Variants in OLFM1 observed in about 807,000 individuals in gnomAD.
The protein encoded by OLFM1 is olfactomedin 1, also known as noelin.
OLFM1 carries 9 observed loss-of-function variants against 49.7 expected under a neutral mutation model. The ratio of observed to expected loss-of-function variants is 0.18; its 90% CI spans 0.11 to 0.32. The LOEUF (loss-of-function observed/expected upper bound fraction) is 0.32. Among genes scored for constraint, OLFM1 ranks in the 10% least tolerant of loss-of-function variants. The probability of loss-of-function intolerance (pLI) is 1.00; values close to 1 mark genes in which losing one functional copy is unlikely to be tolerated. For missense variants in OLFM1, 369 were observed against 661.8 expected, an observed-to-expected ratio of 0.56 and a Z score of 4.85; for synonymous variants, 240 against 271.8, an observed-to-expected ratio of 0.88 and a Z score of 1.15.
At chr9:135,105,527 C>G (rs1047893865) in intron 4 of OLFM1, 1 of 152,310 alleles carries the variant, frequency 6.6e-6, no homozygotes, top group Non-Finnish European at 1.5e-5. Context: ...CTGAGACCCG[C>G]GCTGAGCATG....
rs775726047 is a variant in OLFM1 at position 135,106,776 on chromosome 9, A to T, written c.704A>T (p.Asp235Val). ...TGCGGGAAGTTGACGGGCATCAGTG[A>T]CCCCGTGACTGTCAAGACCTCCGGC... ...LACGKLTGIS[D>V]PVTVKTSGSR... is the part of the protein sequence containing the mutation. Residue 235 changes from aspartate (D) to valine (V), a missense_variant, in exon 5 of 6, where the codon GAC becomes GTC. Physicochemically the swap from Asp to Val is radical, Grantham distance 152. This residue lies in a region of OLFM1 where 294 missense variants were observed against 567.5 expected (regional missense o/e 0.52). Transcript: ENST00000371793. 6.2e-7 allele frequency: 1 copy of T among 1,613,440 alleles called. No homozygotes were observed.
At position 135,087,988 on chromosome 9, in the gene OLFM1, C is replaced by A; in HGVS notation, c.-2C>A. 6.9e-7 allele frequency: 1 copy of A among 1,444,128 alleles called. No homozygotes were observed. The highest frequency in any genetic ancestry group is 2.4e-5 in the Admixed American group (1 of 41,054). 89.5% of individuals were successfully genotyped at this position (1,444,128 alleles called of 1,614,324 possible). A position where few individuals can be genotyped will look rare whatever the true frequency, so the allele number is the denominator to read the frequency against. ...CGGGCGCTGGAGGCAGCTCGAGGCG[C>A]GATGTCGGTGCCGCTGCTCAAGATC... On this transcript the variant is annotated 5_prime_UTR_variant, in exon 1 of 6. Transcript: ENST00000371793.
chr9:135,086,041 C>T (rs1830592059), upstream of OLFM1, among the ~76,000 whole-genome samples: 1 of 152,250 alleles, frequency 6.6e-6, no homozygotes, highest in African/African-American at 2.4e-5. Context: ...GAATTTGTTC[C>T]CGCAGAACAA....
Position 135,112,510 on chromosome 9 carries a change from G to T in OLFM1, c.783+5655G>T, listed in dbSNP as rs1163563844. Among the ~76,000 whole-genome samples the T allele has an allele frequency of 3.3e-5, 5 of 152,350 alleles. No homozygotes were observed. The East Asian group carries it at 7.7e-4, about 24-fold the overall frequency. ...AGCACCTGGAAAATAGGAGATGAAT[G>T]GTGGCCCTTGATGGAGCTTGGGGCC... On this transcript the variant is annotated intron_variant, in intron 5 of 5. Transcript: ENST00000371793.
Position 135,106,873 on chromosome 9 carries a change from T to C in OLFM1, c.783+18T>C. Reference sequence around the variant, plus strand: ...ATAACCGGGTGAGTGTCCCCTTATGTCATAGGGGGTCATTTGGGCAAGGGC... The same window carrying C: ...ATAACCGGGTGAGTGTCCCCTTATGCCATAGGGGGTCATTTGGGCAAGGGC... On this transcript the variant is annotated intron_variant, in intron 5 of 5. Transcript: ENST00000371793. The C allele has an allele frequency of 1.3e-6, 2 of 1,565,468 alleles. No individual in the cohort carries two copies. The highest frequency in any genetic ancestry group is 8.7e-7 in the Non-Finnish European group (1 of 1,148,410).
intron 3 of OLFM1, among the ~76,000 whole-genome samples, chr9:135,096,916 C>T (rs1474288522): frequency 1.3e-5 from 2 of 152,216 alleles, no homozygotes; most frequent in Non-Finnish European, 2.9e-5. Flanking sequence ...GACCTAAAAT[C>T]ATAGATACAG....
In OLFM1 at chr9:135,117,388, A is replaced by G. The variant is rs1042075309; in HGVS notation, c.784-2116A>G. On this transcript the variant is annotated intron_variant, in intron 5 of 5. Transcript: ENST00000371793. This position sits in a 1 kb window ranked among gnomAD's most constrained non-coding sequence, Gnocchi z 5.5. ...CTCACAGCATCCCAAATGCCAAATT[A>G]ATGACATTCCGCCCTGCAGACAGGA... 7.2e-5 allele frequency among the ~76,000 whole-genome samples: 11 copies of G among 152,196 alleles called. No individual in the cohort carries two copies. The highest frequency in any genetic ancestry group is 3.3e-4 in the Admixed American group (5 of 15,280).
rs1055810462 is a variant in OLFM1 at position 135,088,327 on chromosome 9, C to G, written c.150+188C>G. Among the ~76,000 whole-genome samples, 2 of 151,818 alleles carry G rather than the reference C, an allele frequency of 1.3e-5. No homozygotes were observed. The highest frequency in any genetic ancestry group is 2.9e-5 in the Non-Finnish European group (2 of 67,910). On this transcript the variant is annotated intron_variant, in intron 1 of 5. Coordinates refer to ENST00000371793, the MANE Select transcript of OLFM1 (RefSeq NM_001282611.2). The surrounding 1 kb of genome is among the most constrained non-coding windows in gnomAD (Gnocchi z 4.8). Reference sequence around the variant, plus strand: ...AGCGGTGGCGACCCTGCTCCCCGCTCCCCCAGCCTGGGCCACTCCATCTCC... The same window carrying G: ...AGCGGTGGCGACCCTGCTCCCCGCTGCCCCAGCCTGGGCCACTCCATCTCC...
chr9:135,103,953 T>C (rs75137877), intron 4 of OLFM1, among the ~76,000 whole-genome samples: 2,020 of 152,154 alleles, frequency 0.013, 37 homozygotes, highest in African/African-American at 0.046. Context: ...AGACAGAGAG[T>C]GAAGCCTTCG....
intron 5 of OLFM1, among the ~76,000 whole-genome samples, chr9:135,112,074 G>A (rs2119137377): frequency 1.3e-5 from 2 of 152,240 alleles, no homozygotes; most frequent in South Asian, 4.1e-4. Flanking sequence ...ACCTGCACAG[G>A]GGGCTCTCAG....
chr9:135,109,150 GC>G (rs966049744), intron 5 of OLFM1, among the ~76,000 whole-genome samples: 54 of 152,256 alleles, frequency 3.5e-4, no homozygotes, highest in Middle Eastern at 3.4e-3. Flanking sequence ...ACCCCCCAGG[GC>G]TGGACTGCTC....
At chr9:135,114,399 G>A (rs1831067900) in intron 5 of OLFM1, among the ~76,000 whole-genome samples, 1 of 152,078 alleles carries the variant, frequency 6.6e-6, no homozygotes, top group Non-Finnish European at 1.5e-5. Flanking sequence ...ACAAGCGTAA[G>A]CCCCCATGCC....
At chr9:135,099,987 C>T (rs1184395457) in intron 4 of OLFM1, among the ~76,000 whole-genome samples, 2 of 152,196 alleles carry the variant, frequency 1.3e-5, no homozygotes, top group African/African-American at 2.4e-5. Context: ...GCTTGCTACC[C>T]ATCGTGACCT....
upstream of OLFM1, among the ~76,000 whole-genome samples, chr9:135,083,206 C>A (rs74515728): frequency 6.6e-6 from 1 of 152,132 alleles, no homozygotes; most frequent in African/African-American, 2.4e-5. Context: ...CAGAGGGTGA[C>A]GTGTCTGCTG....
At chr9:135,097,899 A>G in intron 3 of OLFM1, 2 of 1,571,130 alleles carry the variant, frequency 1.3e-6, no homozygotes, top group Non-Finnish European at 1.7e-6. Flanking sequence ...ATTATTTTCC[A>G]ATACTTAGCA....
At chr9:135,109,835 G>A (rs1830998120) in intron 5 of OLFM1, among the ~76,000 whole-genome samples, 2 of 152,178 alleles carry the variant, frequency 1.3e-5, no homozygotes, top group Non-Finnish European at 2.9e-5. Flanking sequence ...CTAGTAGAGA[G>A]CCCGGCTCAG....
intron 3 of OLFM1, chr9:135,097,872 C>A: frequency 6.3e-7 from 1 of 1,593,458 alleles, no homozygotes; most frequent in African/African-American, 1.3e-5. Flanking sequence ...GAGCTTTTTG[C>A]ACCATGCATT....
Position 135,087,873 on chromosome 9 carries a change from G to T in OLFM1, c.-117G>T. On this transcript the variant is annotated 5_prime_UTR_variant, in exon 1 of 6. Transcript: ENST00000371793. ...GCGGGCGGGCGGCGGCGGGCCGAGG[G>T]GGCGCGGGGACACAGCCAGGCGCCC... The T allele has an allele frequency of 1.0e-6, 1 of 989,624 alleles. No homozygotes were observed. Among genetic ancestry groups the T allele is most frequent in the South Asian group, 4.6e-5 (1 of 21,958 alleles). 61.3% of individuals were successfully genotyped at this position (989,624 alleles called of 1,614,324 possible).
At chr9:135,077,063 C>G in intron 1 of OLFM1, 2 of 1,405,758 alleles carry the variant, frequency 1.4e-6, no homozygotes, top group Non-Finnish European at 1.8e-6. Flanking sequence ...TCTGCATGGC[C>G]TCTAGGAGAG....
Sources: gnomAD v4.1 joint callset for allele counts (sites outside exome capture counted in the v4.1 genomes callset) on GRCh38, gnomAD v4.1.1 for gene constraint, gnomAD v4.1.1 regional missense constraint, Gnocchi (gnomAD v3.1) non-coding constraint, MANE v1.5 for transcripts, NCBI Gene and HGNC (gene_info 2026-07-23, HGNC 2026-07-21) for gene names.